MED13: variants seen among roughly 807,000 people sequenced by gnomAD.
The protein encoded by MED13 is mediator complex subunit 13, also known as mediator of RNA polymerase II transcription subunit 13.
Under a neutral mutation model 225.2 loss-of-function variants are expected in MED13, and 23 were observed. The ratio of observed to expected loss-of-function variants is 0.10; its 90% CI spans 0.07 to 0.14. The LOEUF (loss-of-function observed/expected upper bound fraction) is 0.14, where lower values mean the gene tolerates loss of function less well. MED13 is among the 10% of genes least tolerant of loss of function. MED13 has a pLI of 1.00. For synonymous variants in MED13, 942 were observed against 889.2 expected, an observed-to-expected ratio of 1.06 and a Z score of -1.06; for missense variants, 2,197 against 2,594.5, an observed-to-expected ratio of 0.85 and a Z score of 3.33.
At position 62,009,721 on chromosome 17, in the gene MED13, T is replaced by C. The variant is rs140056769; in HGVS notation, c.1967+829A>G. On this transcript the variant is annotated intron_variant, in intron 9 of 29. Coordinates refer to ENST00000397786, the MANE Select transcript of MED13 (RefSeq NM_005121.3). ...AGCCATGTTGAAAATGGCTTTTAGA[T>C]GTATTTCCTAAAAAAATTCTTATAC... 5.7e-3 allele frequency among the ~76,000 whole-genome samples: 871 copies of C among 152,304 alleles called. 2 individuals are homozygous for C. Among genetic ancestry groups the C allele is most frequent in the Middle Eastern group, 0.02 (6 of 294 alleles).
chr17:62,016,159 A>G (rs563447068), intron 8 of MED13, among the ~76,000 whole-genome samples: 75 of 146,444 alleles, frequency 5.1e-4, no homozygotes, highest in African/African-American at 1.8e-3. Flanking sequence ...TCAAAAACAC[A>G]AAAAACCAAG....
At chr17:62,018,997 T>C (rs1224013227) in intron 8 of MED13, among the ~76,000 whole-genome samples, 1 of 152,234 alleles carries the variant, frequency 6.6e-6, no homozygotes, top group Non-Finnish European at 1.5e-5. Flanking sequence ...GACAGGGCTT[T>C]AGATTCCACA....
intron 9 of MED13, among the ~76,000 whole-genome samples, chr17:62,002,260 TG>T (rs1267308286): frequency 4.0e-5 from 6 of 151,894 alleles, no homozygotes; most frequent in African/African-American, 7.3e-5. Flanking sequence ...GAGGCTGAGG[TG>T]GGCGGATCAC....
chr17:62,046,502 A>G (rs748178030), intron 3 of MED13, among the ~76,000 whole-genome samples: 2 of 152,254 alleles, frequency 1.3e-5, no homozygotes, highest in Non-Finnish European at 2.9e-5. Context: ...ACATGGTTAA[A>G]TAACAAGCAG....
chr17:62,044,335 C>T (rs2080880572), intron 3 of MED13, among the ~76,000 whole-genome samples: 1 of 151,836 alleles, frequency 6.6e-6, no homozygotes, highest in Non-Finnish European at 1.5e-5. Context: ...AAAAAAATAA[C>T]TTTCTGCAAT....
chr17:61,993,919 G>A (rs76169768), intron 10 of MED13, among the ~76,000 whole-genome samples: 10,497 of 147,660 alleles, frequency 0.071, 591 homozygotes, highest in South Asian at 0.31. Flanking sequence ...CAACAAGAGC[G>A]AAACTCCGTC....
At chr17:62,013,936 G>C (rs2080535885) in intron 8 of MED13, among the ~76,000 whole-genome samples, 1 of 152,096 alleles carries the variant, frequency 6.6e-6, no homozygotes, top group South Asian at 2.1e-4. Flanking sequence ...CTACTCAGGA[G>C]GCTGAGGCAG....
intron 5 of MED13, among the ~76,000 whole-genome samples, chr17:62,032,165 A>G (rs2080763428): frequency 6.6e-6 from 1 of 151,964 alleles, no homozygotes; most frequent in Non-Finnish European, 1.5e-5. Flanking sequence ...TTAAAAAAAA[A>G]ACAGACAAAC....
At chr17:61,999,730 AG>A (rs542179234) in intron 9 of MED13, among the ~76,000 whole-genome samples, 26 of 152,278 alleles carry the variant, frequency 1.7e-4, no homozygotes, top group African/African-American at 6.3e-4. Context: ...TATACTAGTT[AG>A]GTAGCCATCA....
rs770348324 is a variant in MED13 at position 61,961,032 on chromosome 17, T to C, written c.5315A>G (p.Lys1772Arg). 3.7e-6 allele frequency: 6 copies of C among 1,614,028 alleles called. No homozygotes were observed. The highest frequency in any genetic ancestry group is 3.3e-5 in the South Asian group (3 of 91,084). ...AAATGTTTCTCCTAGCTCTGTCTGT[T>C]TGTCCTTCACTGGAGCCAGAATAAA... ...PPFILAPVKD[K>R]QTELGETFGE... Residue 1772 changes from lysine to arginine, a missense_variant, in exon 23 of 30, where the codon AAA (lysine) becomes AGA (arginine). Around this residue, in one of 12 missense-constraint regions of MED13, gnomAD observed 5 missense variants for 20.5 expected, o/e 0.24. Coordinates refer to ENST00000397786, the MANE Select transcript of MED13 (RefSeq NM_005121.3).
Position 61,962,741 on chromosome 17 carries a change from ATCAC to A in MED13, c.5064+7_5064+10del. 6.2e-7 allele frequency: 1 copy of A among 1,608,246 alleles called. No homozygotes were observed. Among genetic ancestry groups the A allele is most frequent in the Non-Finnish European group, 8.5e-7 (1 of 1,174,706 alleles). ...TACATAATTTTAACTCACAACATCT[ATCAC>A]TCTTACCTGTACAGAAACAGTACTC... On this transcript the variant is annotated splice_region_variant and intron_variant, in intron 21 of 29. Coordinates refer to ENST00000397786, the MANE Select transcript of MED13 (RefSeq NM_005121.3).
chr17:62,008,416 T>C (rs2080475135), intron 9 of MED13, among the ~76,000 whole-genome samples: 1 of 150,854 alleles, frequency 6.6e-6, no homozygotes, highest in South Asian at 2.1e-4. Flanking sequence ...CAGATTCTTG[T>C]GACATTTCTA....
At chr17:61,975,139 T>TAA (rs200864641) in intron 16 of MED13, among the ~76,000 whole-genome samples, 4 of 138,898 alleles carry the variant, frequency 2.9e-5, no homozygotes, top group South Asian at 4.5e-4. Context: ...CCCCGTATCT[T>TAA]AAAAAAAAAA....
chr17:61,972,185 G>C (rs1603394515), intron 17 of MED13, among the ~76,000 whole-genome samples: 1 of 152,066 alleles, frequency 6.6e-6, no homozygotes, highest in South Asian at 2.1e-4. Context: ...ACCTTTCAGA[G>C]ACAATCTTCA....
chr17:62,061,452 ATC>A (rs2081038436), intron 2 of MED13, among the ~76,000 whole-genome samples: 3 of 152,208 alleles, frequency 2.0e-5, no homozygotes, highest in Admixed American at 2.0e-4. Flanking sequence ...TTAAAAAAAG[ATC>A]TGTTTAGTCT....
chr17:62,044,284 T>C (rs966545480), intron 3 of MED13, among the ~76,000 whole-genome samples: 1 of 152,140 alleles, frequency 6.6e-6, no homozygotes, highest in Admixed American at 6.5e-5. Flanking sequence ...AGTACTGTTT[T>C]AATTATAAAT....
At chr17:61,951,546 G>A (rs895326281) in intron 27 of MED13, among the ~76,000 whole-genome samples, 2 of 151,880 alleles carry the variant, frequency 1.3e-5, no homozygotes, top group African/African-American at 2.4e-5. Context: ...GCATGAAAAC[G>A]TTCATTACAT....
At chr17:62,014,310 TTATATA>T (rs79817498) in intron 8 of MED13, among the ~76,000 whole-genome samples, 1 of 143,094 alleles carries the variant, frequency 7.0e-6, no homozygotes, top group Non-Finnish European at 1.5e-5. Context: ...GTATATGTTT[TTATATA>T]TATATATATA....
intron 16 of MED13, among the ~76,000 whole-genome samples, chr17:61,976,801 G>A (rs543110025): frequency 1.1e-4 from 17 of 152,146 alleles, no homozygotes; most frequent in African/African-American, 3.1e-4. Context: ...GGCATGTGGC[G>A]GGCACCTGTA....
Sources: allele counts gnomAD v4.1 joint callset (sites outside exome capture counted in the v4.1 genomes callset), GRCh38; gene constraint gnomAD v4.1.1; regional missense constraint gnomAD v4.1.1; transcripts MANE v1.5; gene names NCBI Gene and HGNC (gene_info 2026-07-23, HGNC 2026-07-21).